The following CDH20 variants were observed in gnomAD, a reference collection of about 807,000 sequenced individuals.
The protein encoded by CDH20 is cadherin 20.
Under a neutral mutation model 74.2 loss-of-function variants are expected in CDH20, and 29 were observed. That is an observed-to-expected ratio of 0.39 (90% CI 0.29 to 0.53). The LOEUF is 0.53. CDH20 is among the 20% of genes least tolerant of loss of function. The probability of loss-of-function intolerance (pLI) is 0.69; values close to 1 mark genes in which losing one functional copy is unlikely to be tolerated. For missense variants in CDH20, 988 were observed against 1,048.3 expected, an observed-to-expected ratio of 0.94 and a Z score of 0.79; for synonymous variants, 469 against 405.4, an observed-to-expected ratio of 1.16 and a Z score of -1.88.
intron 1 of CDH20, among the ~76,000 whole-genome samples, chr18:61,463,289 GA>G (rs963298766): frequency 1.4e-4 from 21 of 152,084 alleles, no homozygotes; most frequent in Non-Finnish European, 1.5e-5. Context: ...TCATCCTCAA[GA>G]GAATCAATGG....
chr18:61,379,867 C>T (rs1167213997), intron 1 of CDH20, among the ~76,000 whole-genome samples: 8 of 152,148 alleles, frequency 5.3e-5, no homozygotes, highest in Non-Finnish European at 7.4e-5. Context: ...TTGATGGTTT[C>T]ATTTGGATTT....
intron 1 of CDH20, among the ~76,000 whole-genome samples, chr18:61,458,123 T>C (rs898851992): frequency 6.6e-6 from 1 of 152,178 alleles, no homozygotes; most frequent in African/African-American, 2.4e-5. Context: ...TGCCTGAGTC[T>C]TGCTATGAGA....
At chr18:61,364,541 A>G (rs1323546737) in intron 1 of CDH20, among the ~76,000 whole-genome samples, 1 of 152,080 alleles carries the variant, frequency 6.6e-6, no homozygotes, top group Non-Finnish European at 1.5e-5. Flanking sequence ...CGAACTCCCA[A>G]CCTCAGGTGA....
Position 61,554,573 on chromosome 18 carries a change from T to G in CDH20, c.2284T>G (p.Ser762Ala), listed in dbSNP as rs775691394. The G allele has an allele frequency of 1.2e-6, 2 of 1,609,486 alleles. No individual in the cohort carries two copies. The highest frequency in any genetic ancestry group is 4.5e-5 in the East Asian group (2 of 44,812). The change falls in exon 12 of 12, where the codon TCC (serine) becomes GCC (alanine). Residue 762 changes from serine to alanine, a missense_variant. Ser to Ala is a moderately conservative substitution (Grantham distance 99). Around this residue, in one of 2 missense-constraint regions of CDH20, gnomAD observed 375 missense variants for 293.1 expected, o/e 1.28. Transcript: ENST00000262717. ...GDGSVAGSLS[S>A]LQSATSDSEQ... is the part of the protein sequence containing the mutation. The stretch of plus-strand genomic sequence containing the variant: ...CGGCTCTGTGGCGGGGTCGCTGAGC[T>G]CCCTGCAGTCGGCCACGTCGGACTC...
chr18:61,517,326 G>A (rs1398088933), intron 6 of CDH20, among the ~76,000 whole-genome samples: 1 of 152,212 alleles, frequency 6.6e-6, no homozygotes, highest in Non-Finnish European at 1.5e-5. Flanking sequence ...GCTCCAGTCT[G>A]CAGCTCCCAG....
intron 1 of CDH20, among the ~76,000 whole-genome samples, chr18:61,354,279 T>C (rs1227291473): frequency 6.6e-6 from 1 of 152,028 alleles, no homozygotes; most frequent in Non-Finnish European, 1.5e-5. Flanking sequence ...AATTATACAC[T>C]ATTGGCAAAA....
At chr18:61,532,962 T>C (rs914143797) in intron 7 of CDH20, among the ~76,000 whole-genome samples, 3 of 152,176 alleles carry the variant, frequency 2.0e-5, no homozygotes, top group Non-Finnish European at 4.4e-5. Context: ...TCTTACCTCT[T>C]AAATTATTAC....
In CDH20 at chr18:61,490,628, G is replaced by A. The variant is rs746672252; in HGVS notation, c.75G>A (p.Leu25=). ...GLGMSLYFWG[L]MDLTTTVLSD... ...GCATGTCCTTGTACTTCTGGGGGCT[G>A]ATGGACCTTACGACCACCGTTCTCT... Residue 25 remains leucine (L), a synonymous_variant, in exon 2 of 12, where the codon CTG becomes CTA. Coordinates refer to ENST00000262717, the MANE Select transcript of CDH20 (RefSeq NM_031891.4). 6.2e-7 allele frequency: 1 copy of A among 1,614,052 alleles called. No individual in the cohort carries two copies. Among genetic ancestry groups the A allele is most frequent in the Non-Finnish European group, 8.5e-7 (1 of 1,180,024 alleles).
intron 1 of CDH20, among the ~76,000 whole-genome samples, chr18:61,424,740 T>C (rs926828021): frequency 6.6e-6 from 1 of 152,198 alleles, no homozygotes; most frequent in African/African-American, 2.4e-5. Context: ...GAATCCAACC[T>C]GATATAAGAA....
intron 1 of CDH20, among the ~76,000 whole-genome samples, chr18:61,390,661 A>G (rs1911750014): frequency 6.6e-6 from 1 of 152,214 alleles, no homozygotes; most frequent in Non-Finnish European, 1.5e-5. Flanking sequence ...TACAGAGTTC[A>G]GAATTGAGCT....
At chr18:61,384,553 G>T (rs1911534063) in intron 1 of CDH20, among the ~76,000 whole-genome samples, 1 of 152,088 alleles carries the variant, frequency 6.6e-6, no homozygotes, top group South Asian at 2.1e-4. Flanking sequence ...AAAAAGATTG[G>T]CTGTCATTGT....
At chr18:61,379,078 T>C (rs1911346893) in intron 1 of CDH20, among the ~76,000 whole-genome samples, 1 of 152,168 alleles carries the variant, frequency 6.6e-6, no homozygotes, top group South Asian at 2.1e-4. Context: ...ATTAGGTTTT[T>C]CCCCTTATAA....
intron 1 of CDH20, among the ~76,000 whole-genome samples, chr18:61,463,498 A>C (rs969631666): frequency 6.6e-6 from 1 of 152,168 alleles, no homozygotes; most frequent in Non-Finnish European, 1.5e-5. Flanking sequence ...TAAATAGTGA[A>C]ATGCTATTGT....
intron 8 of CDH20, 93 bp downstream of exon 8, chr18:61,536,722 T>C (rs1912830327): frequency 8.9e-7 from 1 of 1,125,014 alleles, no homozygotes; most frequent in South Asian, 1.4e-5. Context: ...ACAAAAATTA[T>C]ATCCTTTAAG....
intron 4 of CDH20, 103 bp downstream of exon 4, chr18:61,500,605 G>A: frequency 1.6e-6 from 2 of 1,243,166 alleles, no homozygotes; most frequent in South Asian, 1.8e-5. Flanking sequence ...TCCAGGGAGT[G>A]TATTAACCAG....
chr18:61,472,368 C>G (rs1319449859), intron 1 of CDH20, among the ~76,000 whole-genome samples: 1 of 151,662 alleles, frequency 6.6e-6, no homozygotes, highest in East Asian at 1.9e-4. Context: ...AGTTACTGGG[C>G]TGATGTCCTC....
At chr18:61,344,972 G>C (rs1476675506) in intron 1 of CDH20, among the ~76,000 whole-genome samples, 1 of 152,078 alleles carries the variant, frequency 6.6e-6, no homozygotes, top group Non-Finnish European at 1.5e-5. Context: ...AACTGACTTT[G>C]AAAACTACTT....
Position 61,404,894 on chromosome 18 carries a change from G to T in CDH20, c.-153+71067G>T, listed in dbSNP as rs777294265. ...CAGTCTGTTCTGGCATGCTTCTAAT[G>T]GTGTCAGAATCACCTGGATCAATGA... On this transcript the variant is annotated intron_variant, in intron 1 of 11. Coordinates refer to ENST00000262717, the MANE Select transcript of CDH20 (RefSeq NM_031891.4). 5.9e-4 allele frequency: 388 copies of T among 656,358 alleles called. 1 individual carries two copies. Among genetic ancestry groups the T allele is most frequent in the Non-Finnish European group, 6.7e-4 (237 of 354,452 alleles). 40.7% of individuals were successfully genotyped at this position (656,358 alleles called of 1,614,324 possible). A position where few individuals can be genotyped will look rare whatever the true frequency, so the allele number is the denominator to read the frequency against.
intron 1 of CDH20, among the ~76,000 whole-genome samples, chr18:61,394,059 T>C (rs749670112): frequency 3.9e-5 from 6 of 152,324 alleles, no homozygotes; most frequent in Non-Finnish European, 8.8e-5. Flanking sequence ...TTTAGGCATC[T>C]GAGTTTGTCA....
Sources: allele counts gnomAD v4.1 joint callset (sites outside exome capture counted in the v4.1 genomes callset), GRCh38; gene constraint gnomAD v4.1.1; regional missense constraint gnomAD v4.1.1; transcripts MANE v1.5; gene names NCBI Gene and HGNC (gene_info 2026-07-23, HGNC 2026-07-21).